RBFOX1: variants seen among roughly 807,000 people sequenced by gnomAD.
The protein encoded by RBFOX1 is RNA binding fox-1 homolog 1, also known as RNA binding protein fox-1 homolog 1.
A neutral mutation model predicts 57.7 loss-of-function variants in RBFOX1; 8 were observed. The observed-to-expected ratio is 0.14, with a 90% CI of 0.08 to 0.25. The LOEUF is 0.25. Among genes scored for constraint, RBFOX1 ranks in the 10% least tolerant of loss-of-function variants. RBFOX1 has a pLI of 1.00. For missense variants in RBFOX1, 611 were observed against 548.5 expected, an observed-to-expected ratio of 1.11 and a Z score of -1.14; for synonymous variants, 326 against 222.4, an observed-to-expected ratio of 1.47 and a Z score of -4.15.
At chr16:6,195,380 T>G (rs2097173106) in intron 1 of RBFOX1, among the ~76,000 whole-genome samples, 2 of 152,180 alleles carry the variant, frequency 1.3e-5, no homozygotes, top group African/African-American at 4.8e-5. Flanking sequence ...CTTTCCGTCT[T>G]CTGGACTGAG....
chr16:7,241,410 C>A (rs920022706), intron 4 of RBFOX1, among the ~76,000 whole-genome samples: 7 of 152,146 alleles, frequency 4.6e-5, no homozygotes, highest in African/African-American at 1.7e-4. Flanking sequence ...GTTCAATGGG[C>A]AAATTATGCA....
intron 1 of RBFOX1, among the ~76,000 whole-genome samples, chr16:6,228,189 T>C (rs1426086647): frequency 2.0e-5 from 3 of 152,050 alleles, no homozygotes; most frequent in Non-Finnish European, 2.9e-5. Flanking sequence ...CACGCGCCTG[T>C]ATTCCCAGCT....
At chr16:5,259,076 C>G (rs1386849896) in intron 1 of RBFOX1, among the ~76,000 whole-genome samples, 1 of 152,086 alleles carries the variant, frequency 6.6e-6, no homozygotes, top group East Asian at 1.9e-4. Context: ...CTGATAAAGC[C>G]CATTGTCATG....
chr16:6,257,360 C>G (rs1447504096), intron 1 of RBFOX1, among the ~76,000 whole-genome samples: 1 of 151,986 alleles, frequency 6.6e-6, no homozygotes, highest in South Asian at 2.1e-4. Context: ...AGCCAAATCT[C>G]TTTTCCCCAT....
intron 2 of RBFOX1, among the ~76,000 whole-genome samples, chr16:6,527,754 C>G (rs1055538619): frequency 1.3e-5 from 2 of 152,098 alleles, no homozygotes; most frequent in Admixed American, 6.6e-5. Context: ...TGTTTTGTCT[C>G]TCACCTTGTG....
intron 2 of RBFOX1, among the ~76,000 whole-genome samples, chr16:6,470,891 A>G (rs1435715355): frequency 6.6e-6 from 1 of 151,968 alleles, no homozygotes; most frequent in Non-Finnish European, 1.5e-5. Context: ...CCTCTTTTCC[A>G]TTATACCGTT....
At chr16:5,916,078 C>T (rs1019817100) in intron 4 of RBFOX1, among the ~76,000 whole-genome samples, 4 of 152,070 alleles carry the variant, frequency 2.6e-5, no homozygotes, top group Non-Finnish European at 4.4e-5. Flanking sequence ...TTCCTACAGA[C>T]TGTGTTAAGG....
chr16:6,151,960 C>T (rs138035202), intron 1 of RBFOX1, among the ~76,000 whole-genome samples: 1 of 152,192 alleles, frequency 6.6e-6, no homozygotes, highest in Non-Finnish European at 1.5e-5. Context: ...TTAATATAGA[C>T]AACTCAATAG....
At chr16:5,808,476 G>A (rs1368859545) in intron 3 of RBFOX1, among the ~76,000 whole-genome samples, 3 of 152,218 alleles carry the variant, frequency 2.0e-5, no homozygotes, top group African/African-American at 4.8e-5. Context: ...GTAGCTTGAT[G>A]GAGATGGCAT....
At chr16:5,870,788 G>T (rs905221465) in intron 4 of RBFOX1, among the ~76,000 whole-genome samples, 2 of 151,930 alleles carry the variant, frequency 1.3e-5, no homozygotes, top group African/African-American at 4.8e-5. Flanking sequence ...CATATTCATG[G>T]CATGTTCTGT....
intron 2 of RBFOX1, among the ~76,000 whole-genome samples, chr16:6,432,838 C>G (rs1055025391): frequency 6.7e-6 from 1 of 149,742 alleles, no homozygotes; most frequent in Non-Finnish European, 1.5e-5. Context: ...CTTAGCTGGG[C>G]GTGGTGGTGC....
intron 1 of RBFOX1, among the ~76,000 whole-genome samples, chr16:5,267,677 C>T (rs561782327): frequency 4.6e-5 from 7 of 152,310 alleles, no homozygotes; most frequent in Non-Finnish European, 7.4e-5. Flanking sequence ...GAAATATGCA[C>T]AATTTCTGGA....
chr16:5,821,636 G>T (rs1490014266), intron 3 of RBFOX1, among the ~76,000 whole-genome samples: 1 of 152,018 alleles, frequency 6.6e-6, no homozygotes, highest in Admixed American at 6.6e-5. Flanking sequence ...TTTTATTTTT[G>T]TCTCAGTCTG....
intron 1 of RBFOX1, among the ~76,000 whole-genome samples, chr16:5,301,618 C>CA (rs60501583): frequency 0.031 from 2,679 of 86,958 alleles, 107 homozygotes; most frequent in Non-Finnish European, 0.038. Flanking sequence ...GTCTCCATCT[C>CA]AAAAAAAAAA....
At chr16:7,042,640 T>C (rs2046547201) in intron 3 of RBFOX1, among the ~76,000 whole-genome samples, 1 of 152,312 alleles carries the variant, frequency 6.6e-6, no homozygotes, top group African/African-American at 2.4e-5. Flanking sequence ...CAAAAAGTGA[T>C]TAAGGCCAGG....
chr16:5,782,602 G>C (rs1180307581), intron 3 of RBFOX1, among the ~76,000 whole-genome samples: 2 of 152,190 alleles, frequency 1.3e-5, no homozygotes, highest in African/African-American at 4.8e-5. Context: ...TGCTTACTAT[G>C]TTAGGGTTCT....
chr16:7,106,109 T>A (rs2151466832), intron 4 of RBFOX1, among the ~76,000 whole-genome samples: 1 of 152,310 alleles, frequency 6.6e-6, no homozygotes, highest in Non-Finnish European at 1.5e-5. Context: ...CCTTGTCCTT[T>A]GAAACTCCTT....
At chr16:6,410,178 G>GTGTT (rs2093412858) in intron 2 of RBFOX1, among the ~76,000 whole-genome samples, 1 of 52,920 alleles carries the variant, frequency 1.9e-5, no homozygotes, top group African/African-American at 4.3e-5. Flanking sequence ...CTGTGTGTGT[G>GTGTT]TGTGTGTGTG....
chr16:6,557,912 C>T (rs191111838), intron 2 of RBFOX1, among the ~76,000 whole-genome samples: 127 of 152,226 alleles, frequency 8.3e-4, no homozygotes, highest in African/African-American at 2.8e-3. Flanking sequence ...GCTTCTTCAG[C>T]GATATACTGC....
Sources: gnomAD v4.1 joint callset for allele counts (sites outside exome capture counted in the v4.1 genomes callset) on GRCh38, gnomAD v4.1.1 for gene constraint, MANE v1.5 for transcripts, NCBI Gene and HGNC (gene_info 2026-07-23, HGNC 2026-07-21) for gene names.